PFKFB3: variants seen among roughly 807,000 people sequenced by gnomAD.
PFKFB3 encodes 6-phosphofructo-2-kinase/fructose-2,6-biphosphatase 3.
A neutral mutation model predicts 68.0 loss-of-function variants in PFKFB3; 33 were observed. The observed-to-expected ratio is 0.49, with a 90% confidence interval of 0.37 to 0.65. PFKFB3 has a LOEUF of 0.65. PFKFB3 is among the 30% of genes least tolerant of loss of function. The probability of loss-of-function intolerance (pLI) is 0.00; values close to 1 mark genes in which losing one functional copy is unlikely to be tolerated. For missense variants in PFKFB3, 586 were observed against 712.2 expected, an observed-to-expected ratio of 0.82 and a Z score of 2.02; for synonymous variants, 315 against 288.2, an observed-to-expected ratio of 1.09 and a Z score of -0.94.
the PFKFB3 span, among the ~76,000 whole-genome samples, chr10:6,319,684 TAA>T: frequency 2.4e-3 from 368 of 150,646 alleles, 1 homozygote; most frequent in African/African-American, 7.7e-3. Context: ...TGTAAAATTG[TAA>T]AAAAAAAAAT....
chr10:6,224,745 C>T (rs1845214262), intron 13 of PFKFB3: 1 of 321,350 alleles, frequency 3.1e-6, no homozygotes, highest in Admixed American at 4.6e-5. Context: ...CCTTAGTCTC[C>T]CAAAGTGCTA....
intron 1 of PFKFB3, chr10:6,146,310 G>A (rs965604961): frequency 2.0e-6 from 3 of 1,518,316 alleles, no homozygotes; most frequent in Middle Eastern, 2.1e-4. Flanking sequence ...AGGGTGCCTA[G>A]GTATCAGCGT....
At chr10:6,273,598 A>T in the PFKFB3 span, among the ~76,000 whole-genome samples, 2 of 152,196 alleles carry the variant, frequency 1.3e-5, no homozygotes, top group Non-Finnish European at 2.9e-5. Flanking sequence ...TCCCTGCCAA[A>T]AACAGCACGT....
chr10:6,236,145 A>G (rs902753441), downstream of PFKFB3, among the ~76,000 whole-genome samples: 1 of 152,124 alleles, frequency 6.6e-6, no homozygotes, highest in Non-Finnish European at 1.5e-5. Context: ...CATTGGCACT[A>G]CAGAAGGTAT....
intron 1 of PFKFB3, among the ~76,000 whole-genome samples, chr10:6,188,064 T>C (rs1842922998): frequency 6.6e-6 from 1 of 152,018 alleles, no homozygotes; most frequent in Admixed American, 6.6e-5. Context: ...TATGGATATA[T>C]GTGTGTACGT....
chr10:6,206,385 C>CA (rs1843688786), intron 1 of PFKFB3, among the ~76,000 whole-genome samples: 1 of 134,526 alleles, frequency 7.4e-6, no homozygotes, highest in Non-Finnish European at 1.6e-5. Context: ...TCCGATTTCT[C>CA]AATCTTTCCC....
At position 6,202,995 on chromosome 10, in the gene PFKFB3, C is replaced by T. The variant is rs925358260; in HGVS notation, c.-266C>T. ...GCGAGAGCGCGGCTGTCACTGCGCC[C>T]GAGCATCCCAGAGCTTTCCGAGCGG... is the stretch of plus-strand genomic sequence containing the variant. On this transcript the variant is annotated 5_prime_UTR_variant, in exon 1 of 15. Transcript: ENST00000379775. 1.5e-5 allele frequency: 20 copies of T among 1,322,190 alleles called. No homozygotes were observed. The highest frequency in any genetic ancestry group is 1.7e-5 in the Non-Finnish European group (18 of 1,038,732). The allele number at this position is 1,322,190 out of a possible 1,614,324, so 81.9% of individuals were successfully genotyped here. A position where few individuals can be genotyped will look rare whatever the true frequency, so the allele number is the denominator to read the frequency against.
intron 1 of PFKFB3, among the ~76,000 whole-genome samples, chr10:6,187,608 G>C (rs1013321518): frequency 6.6e-6 from 1 of 152,150 alleles, no homozygotes; most frequent in Non-Finnish European, 1.5e-5. Context: ...AAATGTATTT[G>C]TCATTATCTT....
Position 6,154,597 on chromosome 10 carries a change from A to G in PFKFB3, c.16+9584A>G, listed in dbSNP as rs528244043. 4.2e-4 allele frequency among the ~76,000 whole-genome samples: 64 copies of G among 152,242 alleles called. No homozygotes were observed. The highest frequency in any genetic ancestry group is 1.5e-3 in the African/African-American group (61 of 41,560). On this transcript the variant is annotated intron_variant, in intron 1 of 14. Coordinates refer to the PFKFB3 transcript ENST00000379789. The surrounding 1 kb of genome is among the most constrained non-coding windows in gnomAD (Gnocchi z 4.6). ...AACGTCTCCGCCACGGGTGGCTACT[A>G]TCCTGAGAGCAGACTGTGGGGTGGC... is the stretch of plus-strand genomic sequence containing the variant.
intron 14 of PFKFB3, among the ~76,000 whole-genome samples, chr10:6,252,081 G>A (rs1846394260): frequency 6.6e-6 from 1 of 152,184 alleles, no homozygotes; most frequent in South Asian, 2.1e-4. Context: ...TGGACACTTT[G>A]TCTACACCAT....
intron 1 of PFKFB3, among the ~76,000 whole-genome samples, chr10:6,193,386 A>G (rs1416868908): frequency 1.3e-5 from 2 of 152,186 alleles, no homozygotes; most frequent in African/African-American, 4.8e-5. Context: ...ACAAAAAAGT[A>G]TTGTGTATCC....
chr10:6,257,480 C>G (rs1057348363), downstream of PFKFB3, among the ~76,000 whole-genome samples: 4 of 152,138 alleles, frequency 2.6e-5, no homozygotes, highest in Non-Finnish European at 5.9e-5. Flanking sequence ...GGAGGTCAGA[C>G]AAGTGACTTG....
At chr10:6,293,823 G>T in the PFKFB3 span, 6 of 405,624 alleles carry the variant, frequency 1.5e-5, no homozygotes, top group Admixed American at 1.5e-4. Flanking sequence ...CATTGATTTG[G>T]AGTACTTGGT....
intron 1 of PFKFB3, among the ~76,000 whole-genome samples, chr10:6,164,378 C>T (rs1348941781): frequency 2.0e-5 from 3 of 152,136 alleles, no homozygotes. Flanking sequence ...GGTGAAGGGT[C>T]AGGAAATAAG....
At chr10:6,246,006 C>T (rs903104442) in intron 14 of PFKFB3, among the ~76,000 whole-genome samples, 2 of 152,166 alleles carry the variant, frequency 1.3e-5, no homozygotes, top group Admixed American at 6.5e-5. Flanking sequence ...TCCTGAAAGC[C>T]GCCTCCTCTT....
chr10:6,298,505 G>A, the PFKFB3 span, among the ~76,000 whole-genome samples: 4 of 151,964 alleles, frequency 2.6e-5, no homozygotes, highest in Admixed American at 6.6e-5. Context: ...CCCTAGTAGC[G>A]AGGACTATAG....
chr10:6,279,331 G>C, the PFKFB3 span, among the ~76,000 whole-genome samples: 1 of 152,078 alleles, frequency 6.6e-6, no homozygotes, highest in Non-Finnish European at 1.5e-5. Context: ...ATCTAACATC[G>C]TATGCATATT....
At chr10:6,311,750 AAAAAAAAGAAAAAAG>A in the PFKFB3 span, among the ~76,000 whole-genome samples, 1 of 152,116 alleles carries the variant, frequency 6.6e-6, no homozygotes, top group East Asian at 1.9e-4. Flanking sequence ...CTCCGTCTCA[AAAAAAAAGAAAAAAG>A]AAAAAAAGAA....
At position 6,187,198 on chromosome 10, in the gene PFKFB3, T is replaced by TAACAAAAAAAA. The variant is rs1554844289; in HGVS notation, c.17-26423_17-26422insCAAAAAAAAAA. 1.7e-3 allele frequency among the ~76,000 whole-genome samples: 239 copies of TAACAAAAAAAA among 142,082 alleles called. 4 individuals are homozygous for TAACAAAAAAAA. Among genetic ancestry groups the TAACAAAAAAAA allele is most frequent in the African/African-American group, 5.7e-3 (222 of 38,760 alleles). The allele number at this position is 142,082 out of a possible 152,430, so 93.2% of individuals were successfully genotyped here. ...CAACATGGTGAATCCCTGTTTCTAC[T>TAACAAAAAAAA]AAAAAAAAAAAAATTAGCTGGACAT... On this transcript the variant is annotated intron_variant, in intron 1 of 14. Transcript: ENST00000379789.
Sources: gnomAD v4.1 joint callset for allele counts (sites outside exome capture counted in the v4.1 genomes callset) on GRCh38, gnomAD v4.1.1 for gene constraint, Gnocchi (gnomAD v3.1) non-coding constraint, MANE v1.5 for transcripts, NCBI Gene and HGNC (gene_info 2026-07-23, HGNC 2026-07-21) for gene names.